The following ZBTB7C variants were observed in gnomAD, a reference collection of about 807,000 sequenced individuals.
The protein encoded by ZBTB7C is zinc finger and BTB domain containing 7C, also known as zinc finger and BTB domain-containing protein 7C.
Under a neutral mutation model 25.7 loss-of-function variants are expected in ZBTB7C, and 8 were observed. The observed-to-expected ratio is 0.31, with a 90% confidence interval of 0.18 to 0.56. The LOEUF is 0.56. ZBTB7C is among the 20% of genes least tolerant of loss of function. The pLI is 0.91. For missense variants in ZBTB7C, 824 were observed against 855.2 expected (o/e 0.96, Z 0.46); for synonymous variants, 394 against 369.0 (o/e 1.07, Z -0.78).
In ZBTB7C at chr18:48,340,358, C is replaced by T. The variant is rs536062644; in HGVS notation, c.-303-1960G>A. Among the ~76,000 whole-genome samples the T allele has an allele frequency of 2.6e-5, 4 of 152,350 alleles. No individual in the cohort carries two copies. The South Asian group carries it at 6.2e-4, about 24-fold the overall frequency. On this transcript the variant is annotated intron_variant, in intron 1 of 4. Transcript: ENST00000590800. Reference sequence around the variant, plus strand: ...TTAATGGCAGCCATGTAGCTCAGTGCAGCCCTAAGTGCCCACCTCTAGTCA... The same window carrying T: ...TTAATGGCAGCCATGTAGCTCAGTGTAGCCCTAAGTGCCCACCTCTAGTCA...
chr18:48,070,124 A>T (rs1421387374), intron 3 of ZBTB7C, among the ~76,000 whole-genome samples: 1 of 152,240 alleles, frequency 6.6e-6, no homozygotes, highest in African/African-American at 2.4e-5. Context: ...GTGAGTATCA[A>T]AAAGGCAGAA....
chr18:48,356,007 A>C (rs1260518052), intron 1 of ZBTB7C, among the ~76,000 whole-genome samples: 1 of 152,234 alleles, frequency 6.6e-6, no homozygotes, highest in East Asian at 1.9e-4. Flanking sequence ...CTAGAAATGC[A>C]CATTCTGGGG....
chr18:48,330,147 A>G (rs1195553769), intron 2 of ZBTB7C, among the ~76,000 whole-genome samples: 1 of 152,184 alleles, frequency 6.6e-6, no homozygotes, highest in Non-Finnish European at 1.5e-5. Context: ...CCTTCTAACA[A>G]GCTCGGAGGG....
chr18:48,114,654 C>T (rs2039362683), intron 3 of ZBTB7C, among the ~76,000 whole-genome samples: 1 of 151,822 alleles, frequency 6.6e-6, no homozygotes, highest in African/African-American at 2.4e-5. Context: ...AGAAAGAAAA[C>T]ATGCAGACAT....
At chr18:48,353,339 A>G (rs1442922477) in intron 1 of ZBTB7C, among the ~76,000 whole-genome samples, 2 of 152,150 alleles carry the variant, frequency 1.3e-5, no homozygotes, top group African/African-American at 4.8e-5. Context: ...TAAAATCACA[A>G]GCTCTGGCTG....
intron 2 of ZBTB7C, among the ~76,000 whole-genome samples, chr18:48,233,662 G>A (rs544334414): frequency 3.2e-4 from 49 of 152,290 alleles, no homozygotes; most frequent in African/African-American, 1.1e-3. Context: ...AAGCCAAATC[G>A]ACAGCACTTT....
At chr18:48,060,742 C>G (rs984250058) in intron 3 of ZBTB7C, among the ~76,000 whole-genome samples, 4 of 152,200 alleles carry the variant, frequency 2.6e-5, no homozygotes, top group African/African-American at 9.7e-5. Context: ...TTCCCTCTCT[C>G]CTAGTCCTCA....
At chr18:48,236,287 C>T (rs2043375838) in intron 2 of ZBTB7C, among the ~76,000 whole-genome samples, 1 of 152,206 alleles carries the variant, frequency 6.6e-6, no homozygotes, top group African/African-American at 2.4e-5. Context: ...TTAACCCACA[C>T]TTTGGTGTAA....
In ZBTB7C at chr18:48,133,751, GACTA is replaced by G. The variant is rs1238858369; in HGVS notation, c.-17+52179_-17+52182del. On this transcript the variant is annotated intron_variant, in intron 3 of 4. Transcript: ENST00000590800. ...TTTAGAAAGGAAAAACACAATCTCT[GACTA>G]ATATGAAGGAGACTCCAAATTGCTC... Among the ~76,000 whole-genome samples, 8 of 152,112 alleles carry G rather than the reference GACTA, an allele frequency of 5.3e-5. No homozygotes were observed. In the East Asian group the frequency reaches 1.5e-3, roughly 29 times the overall value.
intron 2 of ZBTB7C, among the ~76,000 whole-genome samples, chr18:48,303,219 G>A (rs1350453719): frequency 1.3e-5 from 2 of 152,232 alleles, no homozygotes; most frequent in Non-Finnish European, 2.9e-5. Flanking sequence ...GAGTGGAGGA[G>A]CCAGAAGAAG....
intron 3 of ZBTB7C, among the ~76,000 whole-genome samples, chr18:48,184,321 C>CT (rs901438970): frequency 2.8e-4 from 43 of 152,194 alleles, no homozygotes; most frequent in African/African-American, 1.0e-3. Flanking sequence ...CCAAAAGGAC[C>CT]TGTTGCATAA....
intron 2 of ZBTB7C, among the ~76,000 whole-genome samples, chr18:48,237,589 G>A (rs2043414481): frequency 6.6e-6 from 1 of 151,926 alleles, no homozygotes; most frequent in Non-Finnish European, 1.5e-5. Context: ...AAGAAGATGA[G>A]ACAATGGGTA....
intron 2 of ZBTB7C, among the ~76,000 whole-genome samples, chr18:48,274,672 C>G (rs781197490): frequency 4.6e-5 from 7 of 152,234 alleles, no homozygotes; most frequent in Admixed American, 1.3e-4. Flanking sequence ...TCTGTTGGAA[C>G]CAAATTCTGC....
intron 1 of ZBTB7C, among the ~76,000 whole-genome samples, chr18:48,350,901 C>G (rs10401107): frequency 0.64 from 97,673 of 151,814 alleles, 31,955 homozygotes; most frequent in East Asian, 0.95. Context: ...CCCTTCCAGT[C>G]TGTGGATGCA....
At chr18:48,080,329 C>T (rs760092642) in intron 3 of ZBTB7C, among the ~76,000 whole-genome samples, 64 of 152,312 alleles carry the variant, frequency 4.2e-4, no homozygotes, top group South Asian at 8.3e-4. Flanking sequence ...ACAAGCGACA[C>T]GGCATTTGGG....
intron 2 of ZBTB7C, among the ~76,000 whole-genome samples, chr18:48,280,545 C>A (rs540250673): frequency 1.8e-4 from 28 of 152,316 alleles, no homozygotes; most frequent in Admixed American, 7.2e-4. Flanking sequence ...AAGGTGCCCA[C>A]AGAGGAACCC....
chr18:48,312,111 G>A (rs1382248767), intron 2 of ZBTB7C, among the ~76,000 whole-genome samples: 1 of 152,180 alleles, frequency 6.6e-6, no homozygotes, highest in African/African-American at 2.4e-5. Context: ...CCCTGCTCAG[G>A]GCACATGAAA....
chr18:48,341,893 GT>G (rs2046610005), intron 1 of ZBTB7C, among the ~76,000 whole-genome samples: 1 of 152,234 alleles, frequency 6.6e-6, no homozygotes, highest in African/African-American at 2.4e-5. Flanking sequence ...CCTGCCGTTG[GT>G]GGGGGGCCTC....
intron 2 of ZBTB7C, among the ~76,000 whole-genome samples, chr18:48,326,706 T>C (rs1340466523): frequency 6.6e-6 from 1 of 152,182 alleles, no homozygotes; most frequent in African/African-American, 2.4e-5. Flanking sequence ...GAGTATTCAA[T>C]AGGCTATGTT....
Sources: gnomAD v4.1 joint callset for allele counts (sites outside exome capture counted in the v4.1 genomes callset) on GRCh38, gnomAD v4.1.1 for gene constraint, MANE v1.5 for transcripts, NCBI Gene and HGNC (gene_info 2026-07-23, HGNC 2026-07-21) for gene names.